The following ESAM variants were observed in gnomAD, a reference collection of about 807,000 sequenced individuals.
ESAM encodes endothelial cell-selective adhesion molecule.
ESAM carries 23 observed loss-of-function variants against 31.8 expected under a neutral mutation model. The ratio of observed to expected loss-of-function variants is 0.72; its 90% CI spans 0.52 to 1.03. The LOEUF (loss-of-function observed/expected upper bound fraction) is 1.03, where lower values mean the gene tolerates loss of function less well. Among genes scored for constraint, ESAM ranks in the 50% least tolerant of loss-of-function variants. The probability of loss-of-function intolerance (pLI) is 0.00; values close to 1 mark genes in which losing one functional copy is unlikely to be tolerated. For synonymous variants in ESAM, 216 were observed against 207.2 expected (o/e 1.04, Z -0.37); for missense variants, 478 against 488.9 (o/e 0.98, Z 0.21).
At position 124,758,431 on chromosome 11, in the gene ESAM, A is replaced by C; in HGVS notation, c.167T>G (p.Leu56Trp). 2 of 1,614,122 alleles carry C rather than the reference A, an allele frequency of 1.2e-6. No individual in the cohort carries two copies. Among genetic ancestry groups the C allele is most frequent in the East Asian group, 2.2e-5 (1 of 44,864 alleles). The change falls in exon 2 of 7, where the codon TTG becomes TGG. Residue 56 changes from leucine to tryptophan, a missense_variant. Transcript: ENST00000278927. ...GEVVLPAWYT[L>W]HGEVSSSQPW... ...CTGGGATGAAGACACCTCCCCGTGCAAGGTGTACCACGCTGGAAGCACCAC... is the reference window on the plus strand; with the variant it reads ...CTGGGATGAAGACACCTCCCCGTGCCAGGTGTACCACGCTGGAAGCACCAC...
At position 124,753,444 on chromosome 11, in the gene ESAM, T is replaced by C. The variant is rs1944114918; in HGVS notation, c.*202A>G. Reference sequence around the variant, plus strand: ...GGGGTGGGTGGAGGCTCCTCCCAATTCCAGATCCACTTCCTCTTCTCCTTC... The same window carrying C: ...GGGGTGGGTGGAGGCTCCTCCCAATCCCAGATCCACTTCCTCTTCTCCTTC... On this transcript the variant is annotated 3_prime_UTR_variant, in exon 7 of 7. Transcript: ENST00000278927. 3 of 613,564 alleles carry C rather than the reference T, an allele frequency of 4.9e-6. No individual in the cohort carries two copies. In the Admixed American group the frequency reaches 9.8e-5, roughly 20 times the overall value. 38.0% of individuals were successfully genotyped at this position (613,564 alleles called of 1,614,324 possible). A position where few individuals can be genotyped will look rare whatever the true frequency, so the allele number is the denominator to read the frequency against.
At position 124,754,114 on chromosome 11, in the gene ESAM, C is replaced by T; in HGVS notation, c.857+100G>A. 6.4e-7 allele frequency: 1 copy of T among 1,558,754 alleles called. No individual in the cohort carries two copies. On this transcript the variant is annotated intron_variant, in intron 6 of 6. Transcript: ENST00000278927. This position sits in a 1 kb window ranked among gnomAD's most constrained non-coding sequence, Gnocchi z 4.5. ...CCTGCCCATAGGAATGATGTTTCAGCCACTGACCCCATCCCAATAGATGAG... is the reference window on the plus strand; with the variant it reads ...CCTGCCCATAGGAATGATGTTTCAGTCACTGACCCCATCCCAATAGATGAG...
Position 124,753,626 on chromosome 11 carries a change from G to A in ESAM, c.*20C>T. On this transcript the variant is annotated 3_prime_UTR_variant, in exon 7 of 7. Transcript: ENST00000278927. ...GGAAGGAGAGACCCCAAATCCTTTAGCCAATGAGTGGTGGGGTCATCATAC... is the reference window on the plus strand; with the variant it reads ...GGAAGGAGAGACCCCAAATCCTTTAACCAATGAGTGGTGGGGTCATCATAC... 1.2e-6 allele frequency: 2 copies of A among 1,612,792 alleles called. No homozygotes were observed. The highest frequency in any genetic ancestry group is 1.7e-6 in the Non-Finnish European group (2 of 1,179,948).
intron 6 of ESAM, 26 bp from the exon 7 acceptor site, chr11:124,753,987 G>T (rs1447690674): frequency 1.2e-6 from 2 of 1,609,798 alleles, no homozygotes; most frequent in Admixed American, 1.7e-5. Context: ...ATAACAAGAG[G>T]TCAGAAGTGG....
In ESAM at chr11:124,756,350, G is replaced by A; in HGVS notation, c.464C>T (p.Pro155Leu). The change falls in exon 4 of 7, where the codon CCT (proline) becomes CTT (leucine). Residue 155 changes from proline (P) to leucine (L), a missense_variant. Pro to Leu is a moderately conservative substitution (Grantham distance 98). Coordinates refer to ENST00000278927, the MANE Select transcript of ESAM (RefSeq NM_138961.3). ...CACACCCTGGAGACGGCAGGATGGAGGAGCTGGAGGAACTGGGCAGGGGGA... is the reference window on the plus strand; with the variant it reads ...CACACCCTGGAGACGGCAGGATGGAAGAGCTGGAGGAACTGGGCAGGGGGA... ...LELNVLVPPA[P>L]PSCRLQGVPH... The A allele has an allele frequency of 6.2e-7, 1 of 1,604,792 alleles. No homozygotes were observed. Among genetic ancestry groups the A allele is most frequent in the Non-Finnish European group, 8.5e-7 (1 of 1,175,218 alleles).
chr11:124,754,643 G>A lies in ESAM; in HGVS notation c.728C>T (p.Thr243Ile), dbSNP rs755943517. The change falls in exon 5 of 7, where the codon ACA (threonine) becomes ATA (isoleucine). Residue 243 changes from threonine (T) to isoleucine (I), a missense_variant and splice_region_variant. Physicochemically the swap from Thr to Ile is moderately conservative, Grantham distance 89. Transcript: ENST00000278927. This position sits in a 1 kb window ranked among gnomAD's most constrained non-coding sequence, Gnocchi z 4.5. ...AACCACACTTACCCCTCACTGACCT[G>A]TGCTCACTTCCAGCGTCACATTACA... is the stretch of plus-strand genomic sequence containing the variant. ...AQCNVTLEVS[T>I]GPGAAVVAGA... is the part of the protein sequence containing the mutation. 6.2e-7 allele frequency: 1 copy of A among 1,612,586 alleles called. No individual in the cohort carries two copies. The highest frequency in any genetic ancestry group is 2.2e-5 in the East Asian group (1 of 44,854).
Position 124,756,659 on chromosome 11 carries a change from C to T in ESAM, c.333G>A (p.Leu111=), listed in dbSNP as rs1026329503. The T allele has an allele frequency of 1.2e-6, 2 of 1,614,178 alleles. No homozygotes were observed. Residue 111 remains leucine, a synonymous_variant, in exon 3 of 7, where the codon CTG becomes CTA. Coordinates refer to ENST00000278927, the MANE Select transcript of ESAM (RefSeq NM_138961.3). The part of the protein sequence containing the change: ...VYSMPSRNLS[L]RLEGLQEKDS... ...CTTTCTCCTGGAGACCCTCCAGCCGCAGGGACAGGTTCCGGGAGGGCATGG... is the reference window on the plus strand; with the variant it reads ...CTTTCTCCTGGAGACCCTCCAGCCGTAGGGACAGGTTCCGGGAGGGCATGG...
chr11:124,754,339 C>A lies in ESAM; in HGVS notation c.732G>T (p.Gly244=), dbSNP rs116478728. The part of the protein sequence containing the change: ...QCNVTLEVST[G]PGAAVVAGAV... ...CTCCAGCAACCACTGCAGCTCCAGG[C>A]CCTGGAAAAGGCGTCGTGTCAGAGG... The change falls in exon 6 of 7, where the codon GGG becomes GGT. Residue 244 remains glycine, a splice_region_variant and synonymous_variant. Transcript: ENST00000278927. This position sits in a 1 kb window ranked among gnomAD's most constrained non-coding sequence, Gnocchi z 4.5. 6.2e-7 allele frequency: 1 copy of A among 1,613,874 alleles called. No individual in the cohort carries two copies. Among genetic ancestry groups the A allele is most frequent in the Non-Finnish European group, 8.5e-7 (1 of 1,179,916 alleles).
At chr11:124,758,678 G>T (rs1944187381) in intron 1 of ESAM, 151 bp from the exon 2 acceptor site, 1 of 846,292 alleles carries the variant, frequency 1.2e-6, no homozygotes, top group Non-Finnish European at 1.8e-6. Flanking sequence ...GCCTCAAGGG[G>T]TGCCCAGGGA....
In ESAM at chr11:124,753,877, G is replaced by C; in HGVS notation, c.942C>G (p.Thr314=). The C allele has an allele frequency of 1.2e-6, 2 of 1,614,124 alleles. No homozygotes were observed. Among genetic ancestry groups the C allele is most frequent in the South Asian group, 1.1e-5 (1 of 91,072 alleles). ...GGGGTGGCCGGAGGGCTCGTGCGGAGGTGACAGAGGAAAGGGTCCCATTCT... is the reference window on the plus strand; with the variant it reads ...GGGGTGGCCGGAGGGCTCGTGCGGACGTGACAGAGGAAAGGGTCCCATTCT... ...ISKNGTLSSV[T]SARALRPPHG... is the part of the protein sequence containing the mutation. The change falls in exon 7 of 7, where the codon ACC becomes ACG. Residue 314 remains threonine, a synonymous_variant. Coordinates refer to ENST00000278927, the MANE Select transcript of ESAM (RefSeq NM_138961.3).
At position 124,754,205 on chromosome 11, in the gene ESAM, G is replaced by A. The variant is rs532168827; in HGVS notation, c.857+9C>T. 74 of 1,613,250 alleles carry A rather than the reference G, an allele frequency of 4.6e-5. No homozygotes were observed. The highest frequency in any genetic ancestry group is 4.3e-4 in the Admixed American group (26 of 59,932). On this transcript the variant is annotated intron_variant, in intron 6 of 6. Coordinates refer to ENST00000278927, the MANE Select transcript of ESAM (RefSeq NM_138961.3). The surrounding 1 kb of genome is among the most constrained non-coding windows in gnomAD (Gnocchi z 4.5). ...AGCCCCCGCTGCAGCAGACACCAGG[G>A]ACACTTACTTGATATCATTGGCTGG...
Position 124,753,697 on chromosome 11 carries a change from A to G in ESAM, c.1122T>C (p.Gly374=), listed in dbSNP as rs114822897. Residue 374 remains glycine (G), a synonymous_variant, in exon 7 of 7, where the codon GGT becomes GGC. Transcript: ENST00000278927. Reference sequence around the variant, plus strand: ...GGGCAGGCACCATCACAGGCACAGCACCCATGCGGCTCAAGCCAGAGGAAG... The same window carrying G: ...GGGCAGGCACCATCACAGGCACAGCGCCCATGCGGCTCAAGCCAGAGGAAG... ...GVSSSGLSRM[G]AVPVMVPAQS... The G allele has an allele frequency of 9.3e-5, 150 of 1,613,966 alleles. No individual in the cohort carries two copies. The East Asian group carries it at 3.1e-3, about 33-fold the overall frequency.
Position 124,754,669 on chromosome 11 carries a change from T to C in ESAM, c.702A>G (p.Gln234=), listed in dbSNP as rs776948865. Residue 234 remains glutamine (Q), a synonymous_variant, in exon 5 of 7, where the codon CAA becomes CAG. Transcript: ENST00000278927. The surrounding 1 kb of genome is among the most constrained non-coding windows in gnomAD (Gnocchi z 4.5). ...CKAHNEVGTA[Q]CNVTLEVSTG... ...TGCTCACTTCCAGCGTCACATTACA[T>C]TGGGCAGTGCCCACCTCATTGTGGG... The C allele has an allele frequency of 1.5e-5, 25 of 1,613,804 alleles. No individual in the cohort carries two copies. In the East Asian group the frequency reaches 1.8e-4, roughly 12 times the overall value.
chr11:124,756,061 T>C lies in ESAM; in HGVS notation c.607+146A>G, dbSNP rs2134458450. 3 of 1,121,148 alleles carry C rather than the reference T, an allele frequency of 2.7e-6. No individual in the cohort carries two copies. The East Asian group carries it at 7.6e-5, about 28-fold the overall frequency. 69.4% of individuals were successfully genotyped at this position (1,121,148 alleles called of 1,614,324 possible). On this transcript the variant is annotated intron_variant, in intron 4 of 6. Transcript: ENST00000278927. ...ATACCTGCCCCTGGCAGGGCATCTT[T>C]CTCTGCCCCACATCCTCCCCACATC...
intron 4 of ESAM, among the ~76,000 whole-genome samples, chr11:124,755,371 TG>T (rs1426356240): frequency 6.6e-6 from 1 of 151,874 alleles, no homozygotes; most frequent in African/African-American, 2.4e-5. Flanking sequence ...ATTGTGCACA[TG>T]TACCCTAAAA....
Position 124,756,245 on chromosome 11 carries a change from TGCC to T in ESAM, c.566_568del (p.Arg189del), listed in dbSNP as rs1944152456. The T allele has an allele frequency of 6.2e-7, 1 of 1,614,036 alleles. No homozygotes were observed. Among genetic ancestry groups the T allele is most frequent in the African/African-American group, 1.3e-5 (1 of 74,942 alleles). On this transcript the variant is annotated inframe_deletion, in exon 4 of 7. Transcript: ENST00000278927. ...AAAGAAAGTCTGGAAGGATGGAAGCTGCCGATCCCACTGGTATTGGACAGCGGG... is the reference window on the plus strand; with the variant it reads ...AAAGAAAGTCTGGAAGGATGGAAGCTGATCCCACTGGTATTGGACAGCGGG...
intron 4 of ESAM, among the ~76,000 whole-genome samples, chr11:124,755,155 T>C (rs1360091777): frequency 2.0e-5 from 3 of 152,192 alleles, no homozygotes; most frequent in Non-Finnish European, 4.4e-5. Context: ...TTAGTTGATA[T>C]CTGAGGGTCT....
intron 4 of ESAM, 135 bp downstream of exon 4, chr11:124,756,072 C>T (rs1944149349): frequency 1.6e-6 from 2 of 1,246,274 alleles, no homozygotes; most frequent in Admixed American, 2.1e-5. Context: ...CTCTGCCCCA[C>T]ATCCTCCCCA....
Position 124,754,480 on chromosome 11 carries a change from G to A in ESAM, c.731-140C>T. On this transcript the variant is annotated intron_variant, in intron 5 of 6. Transcript: ENST00000278927. This position sits in a 1 kb window ranked among gnomAD's most constrained non-coding sequence, Gnocchi z 4.5. ...AAGAAGAGGGGTGGCTGTTGAGCAG[G>A]AAATGACCAGTCACTGACCAACCAT... 4 of 1,499,400 alleles carry A rather than the reference G, an allele frequency of 2.7e-6. No homozygotes were observed. The highest frequency in any genetic ancestry group is 1.3e-5 in the South Asian group (1 of 75,842). The allele number at this position is 1,499,400 out of a possible 1,614,324, so 92.9% of individuals were successfully genotyped here.
Sources: gnomAD v4.1 joint callset for allele counts (sites outside exome capture counted in the v4.1 genomes callset) on GRCh38, gnomAD v4.1.1 for gene constraint, Gnocchi (gnomAD v3.1) non-coding constraint, MANE v1.5 for transcripts, NCBI Gene and HGNC (gene_info 2026-07-23, HGNC 2026-07-21) for gene names.